NAV1: variants seen among roughly 807,000 people sequenced by gnomAD.
The protein encoded by NAV1 is neuron navigator 1.
In NAV1, 18 loss-of-function variants were observed where a neutral mutation model predicts 175.2. The ratio of observed to expected loss-of-function variants is 0.10; its 90% CI spans 0.07 to 0.15. The LOEUF (loss-of-function observed/expected upper bound fraction) is 0.15, where lower values mean the gene tolerates loss of function less well. NAV1 is among the 10% of genes least tolerant of loss of function. The pLI, the probability that NAV1 is intolerant of heterozygous loss-of-function variation, is 1.00. For missense variants in NAV1, 1,731 were observed against 2,436.6 expected, an observed-to-expected ratio of 0.71 and a Z score of 6.10; for synonymous variants, 897 against 978.7, an observed-to-expected ratio of 0.92 and a Z score of 1.56.
In NAV1 at chr1:201,742,552, A is replaced by G. The variant is rs112075314; in HGVS notation, c.1226+23797A>G. 6.8e-3 allele frequency among the ~76,000 whole-genome samples: 1,028 copies of G among 152,158 alleles called. 10 individuals carry two copies. The highest frequency in any genetic ancestry group is 0.023 in the African/African-American group (973 of 41,504). On this transcript the variant is annotated intron_variant, in intron 3 of 29. Transcript: ENST00000367296. ...TCCTTCTCTTCCTGTCCCAGCAAAC[A>G]CTGTTCTTCAGTGTCTTCCAAGCAT...
chr1:201,700,374 A>T lies in NAV1; in HGVS notation c.758-12443A>T, dbSNP rs1269805213. Among the ~76,000 whole-genome samples the T allele has an allele frequency of 3.5e-4, 53 of 152,248 alleles. 1 individual carries two copies. The highest frequency in any genetic ancestry group is 3.5e-3 in the Admixed American group (53 of 15,286). On this transcript the variant is annotated intron_variant, in intron 1 of 29. Coordinates refer to ENST00000367296, the Ensembl canonical transcript of NAV1. Reference sequence around the variant, plus strand: ...TGGGTCATCAGAGAAATGCAAATCAAAACCACAACGAGATACCATCTCACG... The same window carrying T: ...TGGGTCATCAGAGAAATGCAAATCATAACCACAACGAGATACCATCTCACG...
intron 2 of NAV1, among the ~76,000 whole-genome samples, chr1:201,591,033 A>G (rs1667177543): frequency 6.6e-6 from 1 of 152,060 alleles, no homozygotes. Flanking sequence ...CCTCTCTCCA[A>G]CACATGCAGT....
At chr1:201,598,483 G>A (rs576183431) in intron 2 of NAV1, among the ~76,000 whole-genome samples, 66 of 152,320 alleles carry the variant, frequency 4.3e-4, no homozygotes, top group African/African-American at 1.5e-3. Context: ...GCCATGCGGC[G>A]TGGGGCCGGG....
chr1:201,591,947 C>T (rs1439981095), intron 2 of NAV1, among the ~76,000 whole-genome samples: 2 of 152,238 alleles, frequency 1.3e-5, no homozygotes, highest in Non-Finnish European at 2.9e-5. Flanking sequence ...CTGGATAGAG[C>T]AACCCTGCTC....
intron 2 of NAV1, among the ~76,000 whole-genome samples, chr1:201,635,128 T>G (rs1668582164): frequency 6.6e-6 from 1 of 152,042 alleles, no homozygotes; most frequent in African/African-American, 2.4e-5. Flanking sequence ...AAGCTCCGCC[T>G]CCTGGGTTGA....
At chr1:201,824,425 T>C (rs1289573099) in exon 30 of NAV1, 2 of 152,068 alleles carry the variant, frequency 1.3e-5, no homozygotes, top group African/African-American at 4.8e-5. Flanking sequence ...AGCCTTATAT[T>C]TTAATAAGTC....
intron 1 of NAV1, among the ~76,000 whole-genome samples, chr1:201,551,248 A>C (rs1665845030): frequency 6.6e-6 from 1 of 151,370 alleles, no homozygotes; most frequent in Non-Finnish European, 1.5e-5. Context: ...TTTTTTCTTG[A>C]GAAAGGGTCT....
intron 1 of NAV1, among the ~76,000 whole-genome samples, chr1:201,688,711 G>A (rs982187804): frequency 1.3e-5 from 2 of 152,194 alleles, no homozygotes; most frequent in South Asian, 4.1e-4. Context: ...AATCTCTAGC[G>A]ATGAATTATT....
At chr1:201,654,088 C>A (rs375992657) in intron 1 of NAV1, among the ~76,000 whole-genome samples, 1 of 152,120 alleles carries the variant, frequency 6.6e-6, no homozygotes, top group South Asian at 2.1e-4. Context: ...CTGAGAGTAC[C>A]GCATGGATGA....
At chr1:201,780,662 A>T in intron 4 of NAV1, 103 bp downstream of exon 8, 1 of 1,468,182 alleles carries the variant, frequency 6.8e-7, no homozygotes, top group Non-Finnish European at 9.4e-7. Context: ...ACTCCATGGG[A>T]TTGGTTCTCA....
chr1:201,634,116 GC>G (rs778249595), intron 2 of NAV1, among the ~76,000 whole-genome samples: 9 of 152,316 alleles, frequency 5.9e-5, no homozygotes, highest in Admixed American at 3.9e-4. Flanking sequence ...TAGCTATGCA[GC>G]CTTGGGGAAC....
chr1:201,753,346 C>T (rs1182008161), intron 3 of NAV1, among the ~76,000 whole-genome samples: 2 of 152,182 alleles, frequency 1.3e-5, no homozygotes, highest in Non-Finnish European at 2.9e-5. Context: ...TATTAAATTT[C>T]AGCCCATAAT....
At chr1:201,559,240 G>T (rs1666126689) in intron 1 of NAV1, among the ~76,000 whole-genome samples, 1 of 152,122 alleles carries the variant, frequency 6.6e-6, no homozygotes, top group Non-Finnish European at 1.5e-5. Context: ...GGCCTGCCGA[G>T]AGGCTACCAT....
chr1:201,577,872 T>C (rs633696), intron 1 of NAV1, among the ~76,000 whole-genome samples: 15,351 of 152,194 alleles, frequency 0.1, 1,037 homozygotes, highest in African/African-American at 0.19. Flanking sequence ...TACTGTCATT[T>C]GAACCCTTTC....
At chr1:201,783,208 T>C (rs916750488) in intron 6 of NAV1, among the ~76,000 whole-genome samples, 198 bp from the exon 11 acceptor site, 1 of 152,230 alleles carries the variant, frequency 6.6e-6, no homozygotes, top group African/African-American at 2.4e-5. Context: ...GTGCATATGC[T>C]GGCCCCTTAT....
Position 201,785,398 on chromosome 1 carries a change from T to C in NAV1, c.2846+47T>C, listed in dbSNP as rs529647122. 407 of 1,574,792 alleles carry C rather than the reference T, an allele frequency of 2.6e-4. 6 individuals are homozygous for C. In the South Asian group the frequency reaches 4.4e-3, roughly 17 times the overall value. On this transcript the variant is annotated intron_variant, in intron 8 of 29. Transcript: ENST00000367296. ...TCTTCCCTATAAATGGGACTGCTGG[T>C]ATGTATGAAAAATCATATCTCAACC...
intron 3 of NAV1, among the ~76,000 whole-genome samples, chr1:201,733,819 G>A: frequency 6.6e-6 from 1 of 152,204 alleles, no homozygotes; most frequent in East Asian, 1.9e-4. Flanking sequence ...TAGCAAGGGG[G>A]CAAGTGGCCA....
intron 3 of NAV1, among the ~76,000 whole-genome samples, chr1:201,744,667 C>A (rs1673656293): frequency 1.3e-5 from 2 of 152,216 alleles, no homozygotes; most frequent in Admixed American, 1.3e-4. Flanking sequence ...TTGAGTGGTC[C>A]TGGAGAGCTT....
intron 1 of NAV1, among the ~76,000 whole-genome samples, chr1:201,671,218 G>T (rs544320497): frequency 6.6e-6 from 1 of 152,292 alleles, no homozygotes; most frequent in East Asian, 1.9e-4. Flanking sequence ...TTCCGCGAGG[G>T]TATTATCTTC....
Sources: gnomAD v4.1 joint callset for allele counts (sites outside exome capture counted in the v4.1 genomes callset) on GRCh38, gnomAD v4.1.1 for gene constraint, MANE v1.5 for transcripts, NCBI Gene and HGNC (gene_info 2026-07-23, HGNC 2026-07-21) for gene names.